The following KLHL23 variants were observed in gnomAD, a reference collection of about 807,000 sequenced individuals.
KLHL23 encodes the protein kelch-like protein 23.
Under a neutral mutation model 48.9 loss-of-function variants are expected in KLHL23, and 33 were observed. The observed-to-expected ratio is 0.67, with a 90% confidence interval of 0.51 to 0.90. KLHL23 has a LOEUF of 0.90. KLHL23 is among the 40% of genes least tolerant of loss of function. KLHL23 has a pLI of 0.00. For missense variants in KLHL23, 608 were observed against 669.6 expected, an observed-to-expected ratio of 0.91 and a Z score of 1.02; for synonymous variants, 234 against 231.6, an observed-to-expected ratio of 1.01 and a Z score of -0.09.
chr2:169,746,376 C>T (rs1688794389), intron 3 of KLHL23, among the ~76,000 whole-genome samples: 1 of 152,222 alleles, frequency 6.6e-6, no homozygotes, highest in Admixed American at 6.5e-5. Context: ...GTTCATATCA[C>T]TCATCTAACA....
Position 169,741,452 on chromosome 2 carries a change from C to T in KLHL23, c.1281C>T (p.Tyr427=), listed in dbSNP as rs761125425. ...VIYVIGGHCG[Y]RGSCTYDKVQ... ...ACGTCATTGGTGGCCACTGTGGCTA[C>T]AGAGGAAGCTGCACCTATGACAAAG... Residue 427 remains tyrosine (Y), a synonymous_variant, in exon 3 of 4, where the codon TAC becomes TAT. Transcript: ENST00000392647. 6.2e-7 allele frequency: 1 copy of T among 1,613,908 alleles called. No individual in the cohort carries two copies. The highest frequency in any genetic ancestry group is 1.7e-5 in the Admixed American group (1 of 60,008).
In KLHL23 at chr2:169,735,122, T is replaced by C. The variant is rs747984318; in HGVS notation, c.108T>C (p.Thr36=). 1 of 1,612,382 alleles carries C rather than the reference T, an allele frequency of 6.2e-7. No homozygotes were observed. Among genetic ancestry groups the C allele is most frequent in the Non-Finnish European group, 8.5e-7 (1 of 1,179,674 alleles). The change falls in exon 2 of 4, where the codon ACT becomes ACC. Residue 36 remains threonine (T), a synonymous_variant. Coordinates refer to ENST00000392647, the MANE Select transcript of KLHL23 (RefSeq NM_144711.6). The surrounding 1 kb of genome is among the most constrained non-coding windows in gnomAD (Gnocchi z 4.5). ...FRTFYLDGLF[T]DITLQCPSGI... ...CATTTTACTTGGATGGATTATTTAC[T>C]GATATTACTCTTCAGTGTCCTTCAG...
rs1688960447 is a variant in KLHL23, at chr2:169,751,141, C to T, written c.*1409C>T. ...GCCTGGGTGGCTGGAGCCTCTGGGC[C>T]AGAACCACCTTTGTCCATTTTCCTC... On this transcript the variant is annotated 3_prime_UTR_variant, in exon 4 of 4. Transcript: ENST00000392647. 6.6e-6 allele frequency: 1 copy of T among 152,200 alleles called. No homozygotes were observed. The highest frequency in any genetic ancestry group is 2.4e-5 in the African/African-American group (1 of 41,434). The allele number at this position is 152,200 out of a possible 1,614,324, so 9.4% of individuals were successfully genotyped here.
rs1431583320 is a variant in KLHL23, at chr2:169,735,235, T to G, written c.221T>G (p.Phe74Cys). 2 of 1,603,186 alleles carry G rather than the reference T, an allele frequency of 1.2e-6. No individual in the cohort carries two copies. The highest frequency in any genetic ancestry group is 1.7e-6 in the Non-Finnish European group (2 of 1,177,494). Residue 74 changes from phenylalanine to cysteine, a missense_variant, in exon 2 of 4, where the codon TTT (phenylalanine) becomes TGT (cysteine). Physicochemically the swap from Phe to Cys is radical, Grantham distance 205 (BLOSUM62 -2). Coordinates refer to ENST00000392647, the MANE Select transcript of KLHL23 (RefSeq NM_144711.6). The surrounding 1 kb of genome is among the most constrained non-coding windows in gnomAD (Gnocchi z 4.5). ...TTCACAGCTGACATGAAAGAAAAATTTAAAAATAAAATAAAACTCTCTGGC... is the reference window on the plus strand; with the variant it reads ...TTCACAGCTGACATGAAAGAAAAATGTAAAAATAAAATAAAACTCTCTGGC... Reference protein sequence around the residue: ...AMFTADMKEKFKNKIKLSGIH... With the variant: ...AMFTADMKEKCKNKIKLSGIH...
chr2:169,736,707 G>A, intron 2 of KLHL23, among the ~76,000 whole-genome samples: 1 of 151,862 alleles, frequency 6.6e-6, no homozygotes, highest in Non-Finnish European at 1.5e-5. Flanking sequence ...ACAGAACCCG[G>A]CACACCCCTG....
At position 169,751,390 on chromosome 2, in the gene KLHL23, G is replaced by C. The variant is rs1191206277; in HGVS notation, c.*1658G>C. The C allele has an allele frequency of 2.6e-5, 4 of 152,108 alleles. No homozygotes were observed. Among genetic ancestry groups the C allele is most frequent in the African/African-American group, 9.7e-5 (4 of 41,406 alleles). The allele number at this position is 152,108 out of a possible 1,614,324, so 9.4% of individuals were successfully genotyped here. A position where few individuals can be genotyped will look rare whatever the true frequency, so the allele number is the denominator to read the frequency against. On this transcript the variant is annotated 3_prime_UTR_variant, in exon 4 of 4. Coordinates refer to ENST00000392647, the MANE Select transcript of KLHL23 (RefSeq NM_144711.6). The stretch of plus-strand genomic sequence containing the variant: ...GGAAAATTTTAATGCATTTATTTCA[G>C]ATGGCGTTTTAAATAGATACAACCC...
chr2:169,743,068 A>C (rs1277530090), intron 3 of KLHL23, among the ~76,000 whole-genome samples: 1 of 152,198 alleles, frequency 6.6e-6, no homozygotes, highest in Admixed American at 6.6e-5. Context: ...ACCTAGACAG[A>C]CTGGCTTGAA....
rs74199882 is a variant in KLHL23 at position 169,749,968 on chromosome 2, T to TATATGTGTATACGTATGTATGTATAC, written c.*240_*241insGTGTATACGTATGTATGTATACATAT. On this transcript the variant is annotated 3_prime_UTR_variant, in exon 4 of 4. Coordinates refer to ENST00000392647, the MANE Select transcript of KLHL23 (RefSeq NM_144711.6). ...ATATGTGTTCATATATATGTATACA[T>TATATGTGTATACGTATGTATGTATAC]ATATATGTGTATATATACGTATGTA... The TATATGTGTATACGTATGTATGTATAC allele has an allele frequency of 1.5e-5, 2 of 135,806 alleles. No homozygotes were observed. Among genetic ancestry groups the TATATGTGTATACGTATGTATGTATAC allele is most frequent in the African/African-American group, 1.1e-4 (2 of 17,568 alleles). The allele number at this position is 135,806 out of a possible 1,614,324, so 8.4% of individuals were successfully genotyped here.
intron 3 of KLHL23, among the ~76,000 whole-genome samples, chr2:169,746,765 C>A (rs1373743848): frequency 1.3e-5 from 2 of 152,066 alleles, no homozygotes; most frequent in East Asian, 1.9e-4. Flanking sequence ...ACATATGAAT[C>A]AAAAATTGGG....
Position 169,750,096 on chromosome 2 carries a change from G to GTGTGTATATACGTATGTA in KLHL23, c.*367_*368insGTATATACGTATGTATGT, listed in dbSNP as rs1688931330. ...TATACGTATGTATGTATACATATAT[G>GTGTGTATATACGTATGTA]TGTATACATATATATGTGTGTATAT... On this transcript the variant is annotated 3_prime_UTR_variant, in exon 4 of 4. Coordinates refer to ENST00000392647, the MANE Select transcript of KLHL23 (RefSeq NM_144711.6). 2.9e-5 allele frequency: 3 copies of GTGTGTATATACGTATGTA among 103,718 alleles called. 1 individual carries two copies. The highest frequency in any genetic ancestry group is 3.4e-5 in the African/African-American group (1 of 29,012). The allele number at this position is 103,718 out of a possible 1,614,324, so 6.4% of individuals were successfully genotyped here.
intron 3 of KLHL23, among the ~76,000 whole-genome samples, chr2:169,745,281 G>A (rs900259396): frequency 6.6e-6 from 1 of 151,934 alleles, no homozygotes; most frequent in African/African-American, 2.4e-5. Context: ...GGGAGGCCAA[G>A]GTGGGCGGAT....
chr2:169,738,544 T>C (rs1031219432), intron 2 of KLHL23, among the ~76,000 whole-genome samples: 2 of 152,210 alleles, frequency 1.3e-5, no homozygotes, highest in African/African-American at 4.8e-5. Flanking sequence ...ATTTAAAATT[T>C]ATTACCTTTT....
intron 3 of KLHL23, among the ~76,000 whole-genome samples, chr2:169,747,608 C>G (rs1458728876): frequency 6.6e-6 from 1 of 151,854 alleles, no homozygotes; most frequent in Non-Finnish European, 1.5e-5. Context: ...ATCTGGAAAT[C>G]GCATTTCTGA....
chr2:169,749,481 A>G lies in KLHL23; in HGVS notation c.1426A>G (p.Thr476Ala), dbSNP rs1164542199. Residue 476 changes from threonine to alanine, a missense_variant, in exon 4 of 4, where the codon ACA becomes GCA. This residue lies in a region of KLHL23 where 179 missense variants were observed against 169.9 expected (regional missense o/e 1.05). Coordinates refer to ENST00000392647, the MANE Select transcript of KLHL23 (RefSeq NM_144711.6). ...GCTCTATCTAGTCGGCGGACAAACT[A>G]CAATCACAGAATGCTATGACCCTGA... ...NKLYLVGGQT[T>A]ITECYDPEQN... 1 of 1,614,130 alleles carries G rather than the reference A, an allele frequency of 6.2e-7. No individual in the cohort carries two copies. Among genetic ancestry groups the G allele is most frequent in the Non-Finnish European group, 8.5e-7 (1 of 1,180,012 alleles).
At chr2:169,738,155 T>C (rs774176639) in intron 2 of KLHL23, among the ~76,000 whole-genome samples, 2 of 152,236 alleles carry the variant, frequency 1.3e-5, no homozygotes, top group African/African-American at 4.8e-5. Flanking sequence ...CTTGTTTATA[T>C]CTAGTCATCC....
Position 169,735,999 on chromosome 2 carries a change from A to G in KLHL23, c.985A>G (p.Arg329Gly). ...CAACATTTATGTAACTGGGGGCTAC[A>G]GGACGGATAACATAGAAGCTCTTGA... ...GPNIYVTGGY[R>G]TDNIEALDTV... is the part of the protein sequence containing the mutation. The change falls in exon 2 of 4, where the codon AGG (arginine) becomes GGG (glycine). Residue 329 changes from arginine to glycine, a missense_variant. Coordinates refer to ENST00000392647, the MANE Select transcript of KLHL23 (RefSeq NM_144711.6). This position sits in a 1 kb window ranked among gnomAD's most constrained non-coding sequence, Gnocchi z 4.5. 1 of 1,614,210 alleles carries G rather than the reference A, an allele frequency of 6.2e-7. No individual in the cohort carries two copies.
Position 169,740,818 on chromosome 2 carries a change from T to A in KLHL23, c.1214-567T>A, listed in dbSNP as rs149369215. 9.2e-3 allele frequency among the ~76,000 whole-genome samples: 1,320 copies of A among 143,758 alleles called. 22 individuals carry two copies. Among genetic ancestry groups the A allele is most frequent in the African/African-American group, 0.032 (1,243 of 38,256 alleles). 94.3% of individuals were successfully genotyped at this position (143,758 alleles called of 152,430 possible). ...ACTTATTTATTGATTTTTTTACTCG[T>A]TAAACTTTTTTGTTAAAAAAGTAAG... On this transcript the variant is annotated intron_variant, in intron 2 of 3. Coordinates refer to ENST00000392647, the MANE Select transcript of KLHL23 (RefSeq NM_144711.6).
At chr2:169,734,798 C>T (rs1316885737) in intron 1 of KLHL23, among the ~76,000 whole-genome samples, 3 of 152,072 alleles carry the variant, frequency 2.0e-5, no homozygotes, top group African/African-American at 7.2e-5. Context: ...ACTGAAAAAT[C>T]CAGGAGCCTC....
In KLHL23 at chr2:169,749,841, AG is replaced by A; in HGVS notation, c.*113del. 7.4e-7 allele frequency: 1 copy of A among 1,343,526 alleles called. No individual in the cohort carries two copies. The allele number at this position is 1,343,526 out of a possible 1,614,324, so 83.2% of individuals were successfully genotyped here. On this transcript the variant is annotated 3_prime_UTR_variant, in exon 4 of 4. Transcript: ENST00000392647. ...CTGATAATTGTGTCTGGCACATGATAGGGGATCAGTAAATTGTAATTCCTAA... is the reference window on the plus strand; with the variant it reads ...CTGATAATTGTGTCTGGCACATGATAGGGATCAGTAAATTGTAATTCCTAA...
Sources: gnomAD v4.1 joint callset for allele counts (sites outside exome capture counted in the v4.1 genomes callset) on GRCh38, gnomAD v4.1.1 for gene constraint, gnomAD v4.1.1 regional missense constraint, Gnocchi (gnomAD v3.1) non-coding constraint, MANE v1.5 for transcripts, NCBI Gene and HGNC (gene_info 2026-07-23, HGNC 2026-07-21) for gene names.